The following SREK1 variants were observed in gnomAD, a reference collection of about 807,000 sequenced individuals.
SREK1 encodes splicing regulatory glutamic acid and lysine rich protein 1.
Under a neutral mutation model 66.5 loss-of-function variants are expected in SREK1, and 13 were observed. The observed-to-expected ratio is 0.20, with a 90% CI of 0.13 to 0.31. The LOEUF (loss-of-function observed/expected upper bound fraction) is 0.31, where lower values mean the gene tolerates loss of function less well. SREK1 is among the 10% of genes least tolerant of loss of function. The probability of loss-of-function intolerance (pLI) is 1.00; values close to 1 mark genes in which losing one functional copy is unlikely to be tolerated. For missense variants in SREK1, 607 were observed against 769.6 expected (o/e 0.79, Z 2.50); for synonymous variants, 265 against 263.5 (o/e 1.01, Z -0.05).
chr5:66,148,756 C>G (rs1020930768), intron 1 of SREK1, among the ~76,000 whole-genome samples: 2 of 152,132 alleles, frequency 1.3e-5, no homozygotes, highest in Non-Finnish European at 2.9e-5. Context: ...GCCACTGTGC[C>G]TGGCCTGCTA....
rs755410499 is a variant in SREK1, at chr5:66,181,330, C to T, written c.*2462C>T. 1 of 152,150 alleles carries T rather than the reference C, an allele frequency of 6.6e-6. No homozygotes were observed. Among genetic ancestry groups the T allele is most frequent in the Non-Finnish European group, 1.5e-5 (1 of 68,012 alleles). The allele number at this position is 152,150 out of a possible 1,614,324, so 9.4% of individuals were successfully genotyped here. ...TGTGTGCGCATGCGCACGTGTGTAT[C>T]TGTTTGAGACATACTTTCTCTGTTC... is the stretch of plus-strand genomic sequence containing the variant. On this transcript the variant is annotated 3_prime_UTR_variant, in exon 12 of 12. Coordinates refer to ENST00000334121, the MANE Select transcript of SREK1 (RefSeq NM_001077199.3).
intron 2 of SREK1, chr5:66,157,023 G>T (rs1193975260): frequency 1.0e-6 from 1 of 984,978 alleles, no homozygotes; most frequent in Non-Finnish European, 1.2e-6. Context: ...AAATTTGGTA[G>T]AATTCTATCT....
intron 2 of SREK1, chr5:66,156,134 C>A: frequency 6.9e-7 from 1 of 1,442,176 alleles, no homozygotes; most frequent in South Asian, 1.4e-5. Flanking sequence ...TGCCACTAAA[C>A]CTGCCGTCAA....
intron 2 of SREK1, chr5:66,158,216 C>T (rs1398673939): frequency 6.6e-6 from 1 of 150,920 alleles, no homozygotes; most frequent in African/African-American, 2.4e-5. Context: ...TATGCCAAAT[C>T]GTACTTATTT....
rs1166144440 is a variant in SREK1, at chr5:66,179,949, C to T, written c.*1081C>T. 6.6e-6 allele frequency: 1 copy of T among 152,508 alleles called. No individual in the cohort carries two copies. Among genetic ancestry groups the T allele is most frequent in the African/African-American group, 2.4e-5 (1 of 41,426 alleles). 9.4% of individuals were successfully genotyped at this position (152,508 alleles called of 1,614,324 possible). A position where few individuals can be genotyped will look rare whatever the true frequency, so the allele number is the denominator to read the frequency against. On this transcript the variant is annotated 3_prime_UTR_variant, in exon 12 of 12. Coordinates refer to ENST00000334121, the MANE Select transcript of SREK1 (RefSeq NM_001077199.3). ...CTGTTTTCAAGAATGACATTAGAGT[C>T]ATGCAGCTTTGGGACCATCAGTTTT...
chr5:66,164,558 A>G, intron 6 of SREK1: 2 of 1,479,092 alleles, frequency 1.4e-6, no homozygotes, highest in Non-Finnish European at 1.8e-6. Context: ...CAGCAACAAA[A>G]TATTACGAAC....
chr5:66,165,958 T>C (rs1745141570), intron 7 of SREK1: 1 of 152,226 alleles, frequency 6.6e-6, no homozygotes, highest in Non-Finnish European at 1.5e-5. Flanking sequence ...AGTAAACAAG[T>C]ATACACCAGA....
intron 1 of SREK1, among the ~76,000 whole-genome samples, chr5:66,149,001 A>G (rs1189428460): frequency 6.6e-6 from 1 of 152,208 alleles, no homozygotes; most frequent in African/African-American, 2.4e-5. Flanking sequence ...AAATATTTGC[A>G]TTTTTATAAA....
chr5:66,166,848 T>G (rs1745219795), intron 7 of SREK1: 1 of 151,878 alleles, frequency 6.6e-6, no homozygotes, highest in Non-Finnish European at 1.5e-5. Context: ...AGCCTTAAGT[T>G]CAAGAACAAA....
chr5:66,179,820 C>T lies in SREK1; in HGVS notation c.*952C>T, dbSNP rs1580687359. 1 of 152,456 alleles carries T rather than the reference C, an allele frequency of 6.6e-6. No homozygotes were observed. The highest frequency in any genetic ancestry group is 1.9e-4 in the East Asian group (1 of 5,184). The allele number at this position is 152,456 out of a possible 1,614,324, so 9.4% of individuals were successfully genotyped here. On this transcript the variant is annotated 3_prime_UTR_variant, in exon 12 of 12. Transcript: ENST00000334121. ...TTATATGTGCTAGTCATTCTCAATTCATATGGAATCTAGATGGATATTTCA... is the reference window on the plus strand; with the variant it reads ...TTATATGTGCTAGTCATTCTCAATTTATATGGAATCTAGATGGATATTTCA...
intron 9 of SREK1, among the ~76,000 whole-genome samples, chr5:66,171,933 G>A (rs568312941): frequency 1.3e-5 from 2 of 152,262 alleles, no homozygotes; most frequent in East Asian, 3.9e-4. Flanking sequence ...GGAAGCTGAC[G>A]CTCTGTATGA....
chr5:66,157,423 G>T, intron 2 of SREK1: 2 of 984,794 alleles, frequency 2.0e-6, no homozygotes, highest in Non-Finnish European at 2.4e-6. Flanking sequence ...GTTTCCTTAG[G>T]TGCATACATT....
At chr5:66,150,258 A>C (rs749298956) in intron 1 of SREK1, among the ~76,000 whole-genome samples, 1 of 152,266 alleles carries the variant, frequency 6.6e-6, no homozygotes, top group African/African-American at 2.4e-5. Flanking sequence ...AAAGCAATAT[A>C]GAATGTCTTG....
intron 11 of SREK1, 41 bp downstream of exon 11, chr5:66,177,699 C>CT: frequency 6.5e-7 from 1 of 1,544,904 alleles, no homozygotes; most frequent in Non-Finnish European, 8.7e-7. Flanking sequence ...TGAAATGGTT[C>CT]TTTATTGCAT....
intron 2 of SREK1, chr5:66,157,815 G>A (rs1348613116): frequency 3.2e-6 from 2 of 619,402 alleles, no homozygotes; most frequent in South Asian, 7.3e-5. Flanking sequence ...ATAAGGCATA[G>A]CCATTATTTA....
At chr5:66,161,340 G>A (rs1009855300) in intron 3 of SREK1, among the ~76,000 whole-genome samples, 1 of 152,140 alleles carries the variant, frequency 6.6e-6, no homozygotes, top group Non-Finnish European at 1.5e-5. Context: ...TTTTGTGGTC[G>A]TTCGTGGACA....
At chr5:66,153,170 T>C (rs1007043472) in intron 1 of SREK1, among the ~76,000 whole-genome samples, 2 of 152,158 alleles carry the variant, frequency 1.3e-5, no homozygotes, top group Non-Finnish European at 2.9e-5. Context: ...GAGTTAATTT[T>C]TGGGTTAAAT....
At chr5:66,163,159 T>A (rs1452851766) in intron 5 of SREK1, 1 of 152,300 alleles carries the variant, frequency 6.6e-6, no homozygotes, top group African/African-American at 2.4e-5. Context: ...TTTCATAGAT[T>A]GCTTTAGTTA....
intron 7 of SREK1, chr5:66,169,837 G>A (rs924198346): frequency 6.2e-6 from 2 of 324,852 alleles, no homozygotes; most frequent in South Asian, 1.6e-4. Flanking sequence ...GAAAATATAC[G>A]AAATAACTGT....
Sources: allele counts gnomAD v4.1 joint callset (sites outside exome capture counted in the v4.1 genomes callset), GRCh38; gene constraint gnomAD v4.1.1; transcripts MANE v1.5; gene names NCBI Gene and HGNC (gene_info 2026-07-23, HGNC 2026-07-21).